DNAH11: variants seen among roughly 807,000 people sequenced by gnomAD.
The protein encoded by DNAH11 is axonemal beta dynein heavy chain 11.
DNAH11 carries 442 observed loss-of-function variants against 526.0 expected under a neutral mutation model. The observed-to-expected ratio is 0.84, with a 90% CI of 0.78 to 0.91. The LOEUF (loss-of-function observed/expected upper bound fraction) is 0.91. Ranked by LOEUF, DNAH11 falls within the 40% of genes least tolerant of loss-of-function variation. The pLI is 0.00. For missense variants in DNAH11, 6,989 were observed against 5,448.7 expected, an observed-to-expected ratio of 1.28 and a Z score of -8.90; for synonymous variants, 2,461 against 1,935.9, an observed-to-expected ratio of 1.27 and a Z score of -7.12.
At chr7:21,588,467 C>T in intron 10 of DNAH11, 45 bp from the exon 11 acceptor site, 2 of 1,608,822 alleles carry the variant, frequency 1.2e-6, no homozygotes, top group South Asian at 2.2e-5. Context: ...ACCATTCTGA[C>T]TAAATGTTCC....
Position 21,655,935 on chromosome 7 carries a change from A to G in DNAH11, c.5048A>G (p.Glu1683Gly). 1 of 1,612,580 alleles carries G rather than the reference A, an allele frequency of 6.2e-7. No individual in the cohort carries two copies. The highest frequency in any genetic ancestry group is 8.5e-7 in the Non-Finnish European group (1 of 1,179,126). Residue 1683 changes from glutamate (E) to glycine (G), a missense_variant, in exon 29 of 82, where the codon GAA becomes GGA. By Grantham distance (98) the Glu-to-Gly change is moderately conservative. Transcript: ENST00000409508. ...AHRAVGMYSK[E>G]KEYVPFQAEC... The stretch of plus-strand genomic sequence containing the variant: ...AGGGCAGTTGGAATGTACAGCAAAG[A>G]AAAGGAGTATGTCCCATTCCAAGCC...
chr7:21,619,897 G>C (rs1785956931), intron 24 of DNAH11, 59 bp from the exon 25 acceptor site: 2 of 1,469,286 alleles, frequency 1.4e-6, no homozygotes, highest in African/African-American at 2.9e-5. Context: ...CCAGATAATA[G>C]TCTACATATT....
chr7:21,901,128 C>G lies in DNAH11; in HGVS notation c.13425C>G (p.Thr4475=), dbSNP rs187353983. 1.2e-6 allele frequency: 2 copies of G among 1,613,836 alleles called. No homozygotes were observed. Among genetic ancestry groups the G allele is most frequent in the African/African-American group, 1.3e-5 (1 of 74,910 alleles). ...TGGACAGACAAGAAACCAAACAGAC[C>G]TACGAGTGCCCTGTGTATAGAACCA... is the stretch of plus-strand genomic sequence containing the variant. ...TPVDRQETKQ[T]YECPVYRTKL... Residue 4475 remains threonine (T), a synonymous_variant, in exon 82 of 82, where the codon ACC becomes ACG. Transcript: ENST00000409508.
chr7:21,786,834 T>C, intron 59 of DNAH11, 67 bp downstream of exon 59: 1 of 1,574,078 alleles, frequency 6.4e-7, no homozygotes, highest in South Asian at 1.1e-5. Context: ...ACTGTGGTTA[T>C]GCTTAATAGC....
intron 38 of DNAH11, among the ~76,000 whole-genome samples, chr7:21,704,926 T>A (rs1784208619): frequency 6.6e-6 from 1 of 152,242 alleles, no homozygotes; most frequent in African/African-American, 2.4e-5. Flanking sequence ...TTTACTTTGT[T>A]CTTTCCTCCT....
At chr7:21,681,741 G>T in intron 31 of DNAH11, 64 bp downstream of exon 31, 11 of 1,589,178 alleles carry the variant, frequency 6.9e-6, no homozygotes, top group Non-Finnish European at 9.5e-6. Flanking sequence ...TTTATTGCCA[G>T]AGTAGTTCCA....
intron 73 of DNAH11, 116 bp downstream of exon 73, chr7:21,869,107 G>A (rs1783401389): frequency 7.0e-7 from 1 of 1,428,846 alleles, no homozygotes; most frequent in Admixed American, 2.3e-5. Flanking sequence ...GATTTGCAGA[G>A]TGCAAGCAGT....
intron 61 of DNAH11, among the ~76,000 whole-genome samples, chr7:21,792,157 G>A (rs1402810728): frequency 1.3e-5 from 2 of 152,010 alleles, no homozygotes; most frequent in Non-Finnish European, 2.9e-5. Flanking sequence ...TGTTTTTTTA[G>A]CATCTATTAA....
At chr7:21,598,637 C>G (rs1784956699) in intron 14 of DNAH11, among the ~76,000 whole-genome samples, 1 of 150,672 alleles carries the variant, frequency 6.6e-6, no homozygotes, top group South Asian at 2.1e-4. Flanking sequence ...TGTGCTTAAA[C>G]AAGGTCTGAA....
chr7:21,599,676 C>G, intron 14 of DNAH11, 111 bp from the exon 15 acceptor site: 1 of 787,742 alleles, frequency 1.3e-6, no homozygotes, highest in Non-Finnish European at 1.9e-6. Context: ...ATGTTCCTGT[C>G]TTGTGCACAA....
chr7:21,876,969 C>G (rs1037555112), intron 74 of DNAH11, among the ~76,000 whole-genome samples: 2 of 152,228 alleles, frequency 1.3e-5, no homozygotes, highest in Non-Finnish European at 2.9e-5. Flanking sequence ...AATCAGCAGT[C>G]TCCATCACAG....
intron 8 of DNAH11, 29 bp from the exon 9 acceptor site, chr7:21,581,876 A>G (rs1323246968): frequency 7.2e-7 from 1 of 1,393,506 alleles, no homozygotes; most frequent in South Asian, 1.2e-5. Flanking sequence ...TATTTCCAAT[A>G]TACTAATATT....
intron 28 of DNAH11, among the ~76,000 whole-genome samples, chr7:21,645,460 G>A (rs1029439393): frequency 3.9e-5 from 6 of 152,254 alleles, no homozygotes; most frequent in Middle Eastern, 3.4e-3. Context: ...TTTTCTCCTC[G>A]AGACATTTGA....
Position 21,789,465 on chromosome 7 carries a change from A to G in DNAH11, c.10026+123A>G, listed in dbSNP as rs532681074. The G allele has an allele frequency of 4.5e-5, 28 of 621,498 alleles. No individual in the cohort carries two copies. In the South Asian group the frequency reaches 5.1e-4, roughly 11 times the overall value. The allele number at this position is 621,498 out of a possible 1,614,324, so 38.5% of individuals were successfully genotyped here. A position where few individuals can be genotyped will look rare whatever the true frequency, so the allele number is the denominator to read the frequency against. On this transcript the variant is annotated intron_variant, in intron 61 of 81. Transcript: ENST00000409508. ...CAAGCAGAAAGGAATTCGATCTTCC[A>G]TGAGTGTATTTCCTTATATACCATT...
At chr7:21,630,819 A>G (rs974779584) in intron 25 of DNAH11, among the ~76,000 whole-genome samples, 14 of 152,120 alleles carry the variant, frequency 9.2e-5, no homozygotes, top group Middle Eastern at 3.4e-3. Context: ...GGTCAGTTCT[A>G]TTTGGTGTTC....
At chr7:21,801,988 C>T (rs540988239) in intron 62 of DNAH11, among the ~76,000 whole-genome samples, 6 of 152,300 alleles carry the variant, frequency 3.9e-5, no homozygotes, top group South Asian at 2.1e-4. Context: ...TGCTCCACAA[C>T]GTGGCATTTA....
At chr7:21,577,345 C>G (rs549398800) in intron 8 of DNAH11, among the ~76,000 whole-genome samples, 9 of 152,342 alleles carry the variant, frequency 5.9e-5, no homozygotes, top group African/African-American at 1.9e-4. Flanking sequence ...CCCTTTCTGT[C>G]TGAAAATGCT....
At chr7:21,638,705 TGTG>T (rs1786981741) in intron 27 of DNAH11, among the ~76,000 whole-genome samples, 1 of 150,248 alleles carries the variant, frequency 6.7e-6, no homozygotes, top group Admixed American at 6.6e-5. Flanking sequence ...TGTGTGTGTG[TGTG>T]TGTGTGTGTG....
chr7:21,843,782 C>T (rs543255759), intron 66 of DNAH11, among the ~76,000 whole-genome samples: 125 of 152,166 alleles, frequency 8.2e-4, no homozygotes, highest in Middle Eastern at 3.4e-3. Context: ...CCCGGCCATG[C>T]TGTGCCCAGC....
Sources: gnomAD v4.1 joint callset for allele counts (sites outside exome capture counted in the v4.1 genomes callset) on GRCh38, gnomAD v4.1.1 for gene constraint, MANE v1.5 for transcripts, NCBI Gene and HGNC (gene_info 2026-07-23, HGNC 2026-07-21) for gene names.